Variants in METTL15 observed in about 807,000 individuals in gnomAD.
METTL15 encodes the protein methyltransferase 15, mitochondrial 12S rRNA N4-cytidine.
METTL15 carries 34 observed loss-of-function variants against 38.3 expected under a neutral mutation model. The observed-to-expected ratio is 0.89, with a 90% confidence interval of 0.68 to 1.18. The LOEUF (loss-of-function observed/expected upper bound fraction) is 1.18. Among genes scored for constraint, METTL15 ranks in the 50% most tolerant of loss-of-function variants. The pLI is 0.00. For missense variants in METTL15, 438 were observed against 498.4 expected, an observed-to-expected ratio of 0.88 and a Z score of 1.15; for synonymous variants, 162 against 170.9, an observed-to-expected ratio of 0.95 and a Z score of 0.41.
chr11:28,210,800 A>T (rs2133839651), intron 3 of METTL15, among the ~76,000 whole-genome samples: 1 of 152,094 alleles, frequency 6.6e-6, no homozygotes, highest in Admixed American at 6.6e-5. Context: ...CCTTATAGAG[A>T]GAAATATAAA....
At chr11:28,368,507 TC>T (rs1241385927) in intron 5 of METTL15, among the ~76,000 whole-genome samples, 1 of 152,082 alleles carries the variant, frequency 6.6e-6, no homozygotes, top group Non-Finnish European at 1.5e-5. Context: ...AAACAACAGA[TC>T]CTGGAGAGGA....
At chr11:28,428,310 CAT>C (rs1850882940) in intron 6 of METTL15, among the ~76,000 whole-genome samples, 1 of 152,092 alleles carries the variant, frequency 6.6e-6, no homozygotes, top group Admixed American at 6.6e-5. Context: ...CATAGGTAGA[CAT>C]AGAAAAGGTA....
chr11:28,394,185 G>T (rs185531115), intron 5 of METTL15, among the ~76,000 whole-genome samples: 2 of 151,998 alleles, frequency 1.3e-5, no homozygotes, highest in Non-Finnish European at 2.9e-5. Flanking sequence ...AGTAAGGGAA[G>T]GAAGGAACAA....
At chr11:28,413,825 A>G (rs1287112718) in intron 5 of METTL15, among the ~76,000 whole-genome samples, 2 of 151,972 alleles carry the variant, frequency 1.3e-5, no homozygotes, top group Non-Finnish European at 2.9e-5. Context: ...TTAAAGAAAG[A>G]TAGTCAAATC....
intron 4 of METTL15, among the ~76,000 whole-genome samples, chr11:28,243,534 A>G (rs763650644): frequency 1.3e-5 from 2 of 152,192 alleles, no homozygotes; most frequent in African/African-American, 2.4e-5. Context: ...TTGAGAGGAA[A>G]ACTGTTCTGT....
At chr11:28,165,421 T>C (rs752857199) in intron 3 of METTL15, among the ~76,000 whole-genome samples, 6 of 152,272 alleles carry the variant, frequency 3.9e-5, no homozygotes, top group Non-Finnish European at 7.4e-5. Flanking sequence ...ATTTCCCTGA[T>C]GATTAATGAT....
At chr11:28,255,677 A>G (rs1281640137) in intron 4 of METTL15, among the ~76,000 whole-genome samples, 4 of 152,190 alleles carry the variant, frequency 2.6e-5, no homozygotes, top group African/African-American at 7.2e-5. Flanking sequence ...AATTGTATCA[A>G]ATGCTTTTCA....
chr11:28,375,973 G>A (rs574067632), intron 5 of METTL15, among the ~76,000 whole-genome samples: 2 of 152,094 alleles, frequency 1.3e-5, no homozygotes, highest in African/African-American at 4.8e-5. Flanking sequence ...GTAGTTGAGT[G>A]GTTTTGAGTA....
intron 6 of METTL15, among the ~76,000 whole-genome samples, chr11:28,304,939 A>G (rs1422591015): frequency 6.6e-6 from 1 of 152,160 alleles, no homozygotes; most frequent in East Asian, 1.9e-4. Flanking sequence ...ACTCTGATGG[A>G]AAATGGTATG....
At chr11:28,319,816 A>T (rs1415695806) in intron 6 of METTL15, among the ~76,000 whole-genome samples, 1 of 152,198 alleles carries the variant, frequency 6.6e-6, no homozygotes, top group Non-Finnish European at 1.5e-5. Context: ...TACCATGTTA[A>T]TGGGCATTGT....
chr11:28,445,642 A>G (rs1361761665), intron 6 of METTL15, among the ~76,000 whole-genome samples: 1 of 151,930 alleles, frequency 6.6e-6, no homozygotes, highest in Non-Finnish European at 1.5e-5. Flanking sequence ...AAGATTATAA[A>G]CCAGTTATTA....
chr11:28,114,173 A>G (rs1005469808), intron 3 of METTL15, among the ~76,000 whole-genome samples: 38 of 151,688 alleles, frequency 2.5e-4, no homozygotes, highest in African/African-American at 8.5e-4. Context: ...CCACTAAGCT[A>G]TTTTTTTTGT....
At chr11:28,387,862 G>A (rs538228762) in intron 5 of METTL15, among the ~76,000 whole-genome samples, 2 of 152,178 alleles carry the variant, frequency 1.3e-5, no homozygotes, top group South Asian at 2.1e-4. Context: ...AACCAAGTGG[G>A]ATTGAGTCCT....
chr11:28,220,383 C>T (rs1201672073), intron 4 of METTL15, among the ~76,000 whole-genome samples: 2 of 152,126 alleles, frequency 1.3e-5, no homozygotes, highest in Admixed American at 1.3e-4. Context: ...TGGATTGCAA[C>T]TCCTGCCTTT....
intron 5 of METTL15, among the ~76,000 whole-genome samples, chr11:28,372,734 G>C (rs1187969402): frequency 2.0e-5 from 3 of 149,528 alleles, no homozygotes; most frequent in Admixed American, 6.7e-5. Context: ...TAGTCATCTA[G>C]CATTAGGTAT....
rs1849799119 is a variant in METTL15 at position 28,330,898 on chromosome 11, A to G, written c.*57A>G. 28 of 1,298,936 alleles carry G rather than the reference A, an allele frequency of 2.2e-5. No homozygotes were observed. In the South Asian group the frequency reaches 4.3e-4, roughly 20 times the overall value. The allele number at this position is 1,298,936 out of a possible 1,614,324, so 80.5% of individuals were successfully genotyped here. A position where few individuals can be genotyped will look rare whatever the true frequency, so the allele number is the denominator to read the frequency against. On this transcript the variant is annotated 3_prime_UTR_variant, in exon 7 of 7. Coordinates refer to ENST00000407364, the MANE Select transcript of METTL15 (RefSeq NM_001113528.2). ...CTCACAATTTCTCTAATCTTTACTC[A>G]TGTTATGTCCCTGAATGTCTTGGTA...
chr11:28,277,496 G>A lies in METTL15; in HGVS notation c.408-12710G>A, dbSNP rs568643729. ...GCAGATTACCTGAGGTCAGGATTTC[G>A]AGACCAGCCTGGCCAACACTGTGAA... On this transcript the variant is annotated intron_variant, in intron 4 of 6. Transcript: ENST00000407364. Among the ~76,000 whole-genome samples the A allele has an allele frequency of 8.5e-5, 13 of 152,136 alleles. No homozygotes were observed. The South Asian group carries it at 1.9e-3, about 22-fold the overall frequency.
intron 4 of METTL15, among the ~76,000 whole-genome samples, chr11:28,256,421 T>G (rs893964270): frequency 6.6e-6 from 1 of 152,186 alleles, no homozygotes; most frequent in Non-Finnish European, 1.5e-5. Flanking sequence ...TTATTCCTGG[T>G]TCAATCTTGG....
At chr11:28,448,907 A>C (rs1396092888) in intron 6 of METTL15, among the ~76,000 whole-genome samples, 1 of 152,168 alleles carries the variant, frequency 6.6e-6, no homozygotes, top group African/African-American at 2.4e-5. Context: ...ACACAGTGAG[A>C]AAATAGTTTT....
Sources: gnomAD v4.1 joint callset for allele counts (sites outside exome capture counted in the v4.1 genomes callset) on GRCh38, gnomAD v4.1.1 for gene constraint, MANE v1.5 for transcripts, NCBI Gene and HGNC (gene_info 2026-07-23, HGNC 2026-07-21) for gene names.